The following LINGO2 variants were observed in gnomAD, a reference collection of about 807,000 sequenced individuals.
LINGO2 encodes the protein leucine-rich repeat and immunoglobulin-like domain-containing nogo receptor-interacting protein 2.
A neutral mutation model predicts 30.6 loss-of-function variants in LINGO2; 14 were observed. That is an observed-to-expected ratio of 0.46 (90% CI 0.30 to 0.72). The LOEUF (loss-of-function observed/expected upper bound fraction) is 0.72. Among genes scored for constraint, LINGO2 ranks in the 30% least tolerant of loss-of-function variants. The pLI, the probability that LINGO2 is intolerant of heterozygous loss-of-function variation, is 0.07. For missense variants in LINGO2, 729 were observed against 751.7 expected, an observed-to-expected ratio of 0.97 and a Z score of 0.35; for synonymous variants, 317 against 288.5, an observed-to-expected ratio of 1.10 and a Z score of -1.00.
the LINGO2 span, chr9:27,939,919 A>T: frequency 6.6e-6 from 1 of 152,212 alleles, no homozygotes; most frequent in African/African-American, 2.4e-5. Flanking sequence ...ATACAAAATT[A>T]TTCACTATAG....
intron 1 of LINGO2, among the ~76,000 whole-genome samples, chr9:28,515,087 C>A (rs1820564671): frequency 6.6e-6 from 1 of 152,150 alleles, no homozygotes; most frequent in Admixed American, 6.6e-5. Flanking sequence ...ATCCAAGAAC[C>A]CTGATGGAGA....
intron 4 of LINGO2, among the ~76,000 whole-genome samples, chr9:28,100,042 A>C (rs908775809): frequency 2.6e-5 from 4 of 152,212 alleles, no homozygotes; most frequent in African/African-American, 9.6e-5. Flanking sequence ...ACATAACAAG[A>C]TCATATTCAA....
the LINGO2 span, among the ~76,000 whole-genome samples, chr9:28,876,198 T>C: frequency 1.3e-5 from 2 of 152,072 alleles, no homozygotes; most frequent in Non-Finnish European, 2.9e-5. Context: ...ATGTCATTTA[T>C]TAAGACCTCT....
At chr9:29,035,324 A>G in the LINGO2 span, among the ~76,000 whole-genome samples, 1 of 152,074 alleles carries the variant, frequency 6.6e-6, no homozygotes, top group Non-Finnish European at 1.5e-5. Context: ...ACAGGTAGCC[A>G]TAACTCAGCT....
At chr9:28,175,958 T>G (rs1454255851) in intron 4 of LINGO2, among the ~76,000 whole-genome samples, 1 of 152,232 alleles carries the variant, frequency 6.6e-6, no homozygotes, top group Non-Finnish European at 1.5e-5. Context: ...TATACTGATA[T>G]GACCTCATCA....
At chr9:29,039,151 G>T in the LINGO2 span, among the ~76,000 whole-genome samples, 5 of 152,202 alleles carry the variant, frequency 3.3e-5, no homozygotes, top group East Asian at 9.7e-4. Flanking sequence ...ATCTTAAAAT[G>T]GGCTTGTGCA....
At chr9:28,054,619 A>C (rs1027055998) in intron 4 of LINGO2, among the ~76,000 whole-genome samples, 1 of 152,164 alleles carries the variant, frequency 6.6e-6, no homozygotes, top group South Asian at 2.1e-4. Flanking sequence ...ATCTTCCTCA[A>C]AAGTGAACAA....
intron 3 of LINGO2, among the ~76,000 whole-genome samples, chr9:28,366,941 T>C (rs940228566): frequency 1.3e-5 from 2 of 152,122 alleles, no homozygotes; most frequent in Non-Finnish European, 2.9e-5. Context: ...TAATAATCTG[T>C]ATCTAATGAC....
intron 4 of LINGO2, among the ~76,000 whole-genome samples, chr9:28,029,027 G>A (rs1474522439): frequency 6.6e-6 from 1 of 152,142 alleles, no homozygotes; most frequent in East Asian, 1.9e-4. Context: ...TTCAAAAATA[G>A]GATAGGCGGG....
chr9:28,641,094 C>T (rs985678567), intron 1 of LINGO2, among the ~76,000 whole-genome samples: 2 of 151,992 alleles, frequency 1.3e-5, no homozygotes, highest in Admixed American at 6.6e-5. Flanking sequence ...AGTGCAGTGG[C>T]GCAATCTCGG....
chr9:28,761,282 C>T, the LINGO2 span, among the ~76,000 whole-genome samples: 1 of 151,808 alleles, frequency 6.6e-6, no homozygotes, highest in African/African-American at 2.4e-5. Context: ...AAAATTATCG[C>T]TATTTATAGC....
At chr9:28,105,145 G>T (rs141714817) in intron 4 of LINGO2, among the ~76,000 whole-genome samples, 1 of 152,146 alleles carries the variant, frequency 6.6e-6, no homozygotes, top group Non-Finnish European at 1.5e-5. Flanking sequence ...GAATATGCAT[G>T]AACAGCTGAA....
At chr9:29,097,935 C>G in the LINGO2 span, among the ~76,000 whole-genome samples, 5 of 91,816 alleles carry the variant, frequency 5.4e-5, 2 homozygotes, top group African/African-American at 2.1e-4. Flanking sequence ...CACTAATACA[C>G]TGGAAAGATT....
the LINGO2 span, among the ~76,000 whole-genome samples, chr9:28,903,077 CA>C: frequency 6.7e-6 from 1 of 149,794 alleles, no homozygotes; most frequent in Non-Finnish European, 1.5e-5. Context: ...AAAAAATCAA[CA>C]AAAGGAAGAG....
intron 5 of LINGO2, among the ~76,000 whole-genome samples, chr9:28,009,742 G>C (rs1822461325): frequency 6.6e-6 from 1 of 152,138 alleles, no homozygotes; most frequent in Non-Finnish European, 1.5e-5. Context: ...GGAGATATGG[G>C]AACTCTCATA....
the LINGO2 span, among the ~76,000 whole-genome samples, chr9:28,684,892 T>C: frequency 6.6e-6 from 1 of 152,114 alleles, no homozygotes; most frequent in Non-Finnish European, 1.5e-5. Flanking sequence ...GTAAATTGCA[T>C]GTTGCGTGGG....
At chr9:28,943,392 A>G in the LINGO2 span, among the ~76,000 whole-genome samples, 4 of 152,124 alleles carry the variant, frequency 2.6e-5, no homozygotes. Context: ...TGTGTCCTGC[A>G]AGCAAAATGA....
intron 2 of LINGO2, among the ~76,000 whole-genome samples, chr9:28,465,334 C>T (rs1340725277): frequency 6.6e-6 from 1 of 152,118 alleles, no homozygotes; most frequent in Non-Finnish European, 1.5e-5. Context: ...CTAACCATCC[C>T]CGGCTGAACT....
At chr9:27,960,245 G>A (rs1039292517) in intron 5 of LINGO2, among the ~76,000 whole-genome samples, 11 of 152,076 alleles carry the variant, frequency 7.2e-5, no homozygotes, top group Non-Finnish European at 1.3e-4. Flanking sequence ...CTAAATTGTT[G>A]AGAAATAGAG....
Sources: gnomAD v4.1 joint callset for allele counts (sites outside exome capture counted in the v4.1 genomes callset) on GRCh38, gnomAD v4.1.1 for gene constraint, MANE v1.5 for transcripts, NCBI Gene and HGNC (gene_info 2026-07-23, HGNC 2026-07-21) for gene names.